The following KRT1 variants were observed in gnomAD, a reference collection of about 807,000 sequenced individuals.
KRT1 encodes the protein keratin, type II cytoskeletal 1.
In KRT1, 28 loss-of-function variants were observed where a neutral mutation model predicts 51.6. That is an observed-to-expected ratio of 0.54 (90% CI 0.40 to 0.74). The LOEUF is 0.74. KRT1 is among the 30% of genes least tolerant of loss of function. KRT1 has a pLI of 0.00. For missense variants in KRT1, 783 were observed against 815.5 expected (o/e 0.96, Z 0.49); for synonymous variants, 301 against 307.7 (o/e 0.98, Z 0.23).
intron 6 of KRT1, among the ~76,000 whole-genome samples, chr12:52,676,718 A>T (rs2010060): frequency 0.28 from 42,418 of 151,998 alleles, 6,316 homozygotes; most frequent in East Asian, 0.58. Flanking sequence ...CAAGGCTCCT[A>T]CAACCCTTAC....
chr12:52,679,961 C>A lies in KRT1; in HGVS notation c.388G>T (p.Gly130Cys), dbSNP rs770355673. The change falls in exon 1 of 9, where the codon GGT becomes TGT. Residue 130 changes from glycine (G) to cysteine (C), a missense_variant. Gly to Cys is a radical substitution (Grantham distance 159). Transcript: ENST00000252244. ...CCACCACCCCCAAAGCCACCTCCAC[C>A]AAAACCACCACCACCACTGCCAAAA... is the stretch of plus-strand genomic sequence containing the variant. ...GGFGSGGGGFGGGGFGGGGYG... is the reference protein window; with the variant it reads ...GGFGSGGGGFCGGGFGGGGYG... 6 of 1,612,178 alleles carry A rather than the reference C, an allele frequency of 3.7e-6. No individual in the cohort carries two copies.
chr12:52,680,334 A>G lies in KRT1; in HGVS notation c.15T>C (p.Phe5=). 1 of 1,614,106 alleles carries G rather than the reference A, an allele frequency of 6.2e-7. No individual in the cohort carries two copies. The highest frequency in any genetic ancestry group is 8.5e-7 in the Non-Finnish European group (1 of 1,180,030). ...CACTTCGGTACCCAGACCTGGAACT[A>G]AACTGTCGACTCATGTTGACTTAGA... The part of the protein sequence containing the change: MSRQ[F]SSRSGYRSGG... Residue 5 remains phenylalanine (F), a synonymous_variant, in exon 1 of 9, where the codon TTT becomes TTC. Coordinates refer to ENST00000252244, the MANE Select transcript of KRT1 (RefSeq NM_006121.4).
At chr12:52,678,507 CA>C (rs1432305009) in intron 2 of KRT1, 34 bp downstream of exon 2, 3 of 1,604,252 alleles carry the variant, frequency 1.9e-6, no homozygotes, top group East Asian at 2.2e-5. Context: ...TCTTTTACAG[CA>C]AAAGTTAAGA....
At position 52,679,892 on chromosome 12, in the gene KRT1, G is replaced by C; in HGVS notation, c.457C>G (p.Gln153Glu). The change falls in exon 1 of 9, where the codon CAA becomes GAA. Residue 153 changes from glutamine to glutamate, a missense_variant. By Grantham distance (29) the Gln-to-Glu change is conservative. Coordinates refer to ENST00000252244, the MANE Select transcript of KRT1 (RefSeq NM_006121.4). ...AGGCTCTGGTTGATAGTGACTTCTTGTATGCCACCAGGAGGGCAGACAGGA... is the reference window on the plus strand; with the variant it reads ...AGGCTCTGGTTGATAGTGACTTCTTCTATGCCACCAGGAGGGCAGACAGGA... ...YGPVCPPGGIQEVTINQSLLQ... is the reference protein window; with the variant it reads ...YGPVCPPGGIEEVTINQSLLQ... 1 of 1,613,988 alleles carries C rather than the reference G, an allele frequency of 6.2e-7. No homozygotes were observed. Among genetic ancestry groups the C allele is most frequent in the African/African-American group, 1.3e-5 (1 of 74,990 alleles).
At chr12:52,676,629 A>G in intron 6 of KRT1, 134 bp from the exon 7 acceptor site, 2 of 815,972 alleles carry the variant, frequency 2.5e-6, no homozygotes, top group Non-Finnish European at 2.1e-6. Flanking sequence ...TCTCACACCC[A>G]CCTCCAGATA....
In KRT1 at chr12:52,680,366, T is replaced by C. The variant is rs773926929; in HGVS notation, c.-18A>G. On this transcript the variant is annotated 5_prime_UTR_variant, in exon 1 of 9. Coordinates refer to ENST00000252244, the MANE Select transcript of KRT1 (RefSeq NM_006121.4). ...CGACTCATGTTGACTTAGAGAAAAG[T>C]AGGAGCAAGGTAGAGTAAGGGAAGG... is the stretch of plus-strand genomic sequence containing the variant. 1.4e-5 allele frequency: 22 copies of C among 1,609,354 alleles called. No homozygotes were observed. The South Asian group carries it at 2.3e-4, about 17-fold the overall frequency.
chr12:52,676,239 T>C (rs202088314), intron 7 of KRT1, 36 bp downstream of exon 7: 2 of 1,525,094 alleles, frequency 1.3e-6, no homozygotes, highest in Non-Finnish European at 1.8e-6. Context: ...AGGAAGACCA[T>C]GAGAAGAGGT....
Position 52,677,148 on chromosome 12 carries a change from C to G in KRT1, c.1165G>C (p.Asp389His). ...TCTATCTTTGAATTTCTCACACTAT[C>G]CCCATGTCTGCCAGCAGTGATCTGC... ...ELQITAGRHG[D>H]SVRNSKIEIS... is the part of the protein sequence containing the mutation. The change falls in exon 6 of 9, where the codon GAT (aspartate) becomes CAT (histidine). Residue 389 changes from aspartate to histidine, a missense_variant. Coordinates refer to ENST00000252244, the MANE Select transcript of KRT1 (RefSeq NM_006121.4). 6.2e-7 allele frequency: 1 copy of G among 1,614,194 alleles called. No individual in the cohort carries two copies. The highest frequency in any genetic ancestry group is 8.5e-7 in the Non-Finnish European group (1 of 1,180,042).
Position 52,675,349 on chromosome 12 carries a change from G to A in KRT1, c.1779C>T (p.Gly593=), listed in dbSNP as rs745549570. ...SSGGYRGGSG[G]GGGGSSGGRG... is the part of the protein sequence containing the mutation. ...GGCCGCCAGAGCTGCCGCCGCCGCC[G>A]CCTCCAGAGCCACCTCTGTAGCCCC... The change falls in exon 9 of 9, where the codon GGC becomes GGT. Residue 593 remains glycine, a synonymous_variant. Transcript: ENST00000252244. 7 of 1,608,602 alleles carry A rather than the reference G, an allele frequency of 4.4e-6. No homozygotes were observed. Among genetic ancestry groups the A allele is most frequent in the African/African-American group, 4.0e-5 (3 of 74,158 alleles).
chr12:52,679,415 G>A (rs1353296744), intron 1 of KRT1, among the ~76,000 whole-genome samples: 1 of 152,046 alleles, frequency 6.6e-6, no homozygotes, highest in Non-Finnish European at 1.5e-5. Context: ...GACCTTTCCA[G>A]GGTTCTCACT....
Position 52,677,199 on chromosome 12 carries a change from T to C in KRT1, c.1129-15A>G, listed in dbSNP as rs374949297. 9 of 1,614,064 alleles carry C rather than the reference T, an allele frequency of 5.6e-6. No individual in the cohort carries two copies. The African/African-American group carries it at 1.1e-4, about 19-fold the overall frequency. ...AGCTCTTCATACTAAAGATGGTAGA[T>C]AGCGTTTGTTAAATGTAGGCAGAAC... On this transcript the variant is annotated splice_polypyrimidine_tract_variant and intron_variant, in intron 5 of 8. Transcript: ENST00000252244.
In KRT1 at chr12:52,678,536, C is replaced by G. The variant is rs1213758762; in HGVS notation, c.806+6G>C. On this transcript the variant is annotated splice_donor_region_variant and intron_variant, in intron 2 of 8. Coordinates refer to ENST00000252244, the MANE Select transcript of KRT1 (RefSeq NM_006121.4). ...AGTTAAGAACTGCCCAGACAGGGTC[C>G]CTTACTTGTTCCGGTAATCCTCCAC... 1.2e-6 allele frequency: 2 copies of G among 1,613,826 alleles called. No homozygotes were observed. The highest frequency in any genetic ancestry group is 1.3e-5 in the African/African-American group (1 of 74,916).
rs1468936670 is a variant in KRT1, at chr12:52,676,948, A to G, written c.1254+111T>C. 8 of 1,387,782 alleles carry G rather than the reference A, an allele frequency of 5.8e-6. No individual in the cohort carries two copies. The East Asian group carries it at 1.8e-4, about 32-fold the overall frequency. The allele number at this position is 1,387,782 out of a possible 1,614,324, so 86.0% of individuals were successfully genotyped here. A position where few individuals can be genotyped will look rare whatever the true frequency, so the allele number is the denominator to read the frequency against. On this transcript the variant is annotated intron_variant, in intron 6 of 8. Transcript: ENST00000252244. ...AGTCACAAAAGGAACCAGGGATAAT[A>G]ATGTAGCCTTGGGATGAATTGCAAG...
chr12:52,675,054 G>C lies in KRT1; in HGVS notation c.*139C>G, dbSNP rs1941478984. ...GGAAACAGCAGAAAAGAAAGAGCTG[G>C]GGGAATAGGATGAGCTAGTGTAACT... On this transcript the variant is annotated 3_prime_UTR_variant, in exon 9 of 9. Coordinates refer to ENST00000252244, the MANE Select transcript of KRT1 (RefSeq NM_006121.4). The C allele has an allele frequency of 1.8e-6, 2 of 1,116,956 alleles. No homozygotes were observed. The highest frequency in any genetic ancestry group is 2.7e-6 in the Non-Finnish European group (2 of 731,102). 69.2% of individuals were successfully genotyped at this position (1,116,956 alleles called of 1,614,324 possible).
intron 1 of KRT1, 131 bp downstream of exon 1, chr12:52,679,627 G>A: frequency 1.2e-6 from 1 of 831,662 alleles, no homozygotes; most frequent in Non-Finnish European, 2.1e-6. Context: ...TCTCCTAGGA[G>A]ACCATTCCAC....
intron 2 of KRT1, 30 bp downstream of exon 2, chr12:52,678,512 G>T (rs1268297612): frequency 1.9e-6 from 3 of 1,607,692 alleles, no homozygotes; most frequent in East Asian, 2.2e-5. Flanking sequence ...TACAGCAAAA[G>T]TTAAGAACTG....
chr12:52,678,683 G>C lies in KRT1; in HGVS notation c.665C>G (p.Thr222Ser). Residue 222 changes from threonine to serine, a missense_variant, in exon 2 of 9, where the codon ACT (threonine) becomes AGT (serine). Coordinates refer to ENST00000252244, the MANE Select transcript of KRT1 (RefSeq NM_006121.4). ...WELLQQVDTS[T>S]RTHNLEPYFE... Reference sequence around the variant, plus strand: ...GTAGGGCTCTAAATTATGGGTTCTAGTGGAGGTATCTACCTGCTGCAGCAG... The same window carrying C: ...GTAGGGCTCTAAATTATGGGTTCTACTGGAGGTATCTACCTGCTGCAGCAG... The C allele has an allele frequency of 1.2e-6, 2 of 1,614,200 alleles. No homozygotes were observed. Among genetic ancestry groups the C allele is most frequent in the East Asian group, 4.5e-5 (2 of 44,884 alleles).
At chr12:52,676,624 C>T (rs1182690077) in intron 6 of KRT1, 129 bp from the exon 7 acceptor site, 4 of 840,946 alleles carry the variant, frequency 4.8e-6, no homozygotes, top group Admixed American at 2.0e-5. Flanking sequence ...AGTCATCTCA[C>T]ACCCACCTCC....
At chr12:52,676,078 G>A (rs1033414294) in intron 7 of KRT1, among the ~76,000 whole-genome samples, 197 bp downstream of exon 7, 1 of 152,196 alleles carries the variant, frequency 6.6e-6, no homozygotes. Context: ...ATATGTTACA[G>A]CCCTAGAAGA....
Sources: gnomAD v4.1 joint callset for allele counts (sites outside exome capture counted in the v4.1 genomes callset) on GRCh38, gnomAD v4.1.1 for gene constraint, MANE v1.5 for transcripts, NCBI Gene and HGNC (gene_info 2026-07-23, HGNC 2026-07-21) for gene names.